PVT1: variants seen among roughly 807,000 people sequenced by gnomAD.
PVT1 encodes CXCR4/PVT1 fusion.
At chr8:127,945,700 C>A (rs923223568) in intron 3 of PVT1, among the ~76,000 whole-genome samples, 9 of 152,158 alleles carry the variant, frequency 5.9e-5, no homozygotes, top group African/African-American at 2.2e-4. Flanking sequence ...CAGTTTTGGA[C>A]CTCCCACTGA....
chr8:128,021,382 C>T (rs181102471), intron 4 of PVT1, among the ~76,000 whole-genome samples: 2,537 of 150,102 alleles, frequency 0.017, 70 homozygotes, highest in African/African-American at 0.058. Flanking sequence ...CAAGCTCCGC[C>T]TCCTGGGTTC....
At chr8:128,074,731 G>C (rs749120892) in intron 5 of PVT1, among the ~76,000 whole-genome samples, 10 of 152,104 alleles carry the variant, frequency 6.6e-5, no homozygotes, top group Non-Finnish European at 1.5e-4. Flanking sequence ...ATTATATAGC[G>C]GTTGCTACAA....
At chr8:127,814,997 T>C (rs1476947391) in intron 2 of PVT1, among the ~76,000 whole-genome samples, 3 of 152,158 alleles carry the variant, frequency 2.0e-5, no homozygotes, top group Admixed American at 6.6e-5. Flanking sequence ...GACAGAATCT[T>C]GTTCTGTTGC....
At chr8:127,911,110 C>A (rs1347638286) in intron 3 of PVT1, among the ~76,000 whole-genome samples, 1 of 152,110 alleles carries the variant, frequency 6.6e-6, no homozygotes, top group African/African-American at 2.4e-5. Context: ...TAGACTTCCA[C>A]CTCCTCTTCC....
At chr8:127,909,406 G>A (rs969585234) in intron 3 of PVT1, among the ~76,000 whole-genome samples, 2 of 152,130 alleles carry the variant, frequency 1.3e-5, no homozygotes, top group African/African-American at 2.4e-5. Context: ...AGAGGGCCTG[G>A]GTCTGAATCA....
chr8:127,804,873 T>G (rs1310678342), intron 2 of PVT1, among the ~76,000 whole-genome samples: 1 of 151,328 alleles, frequency 6.6e-6, no homozygotes, highest in Non-Finnish European at 1.5e-5. Context: ...ATTTTTTTCT[T>G]AGTTGCTATT....
chr8:127,888,732 C>A (rs762783095), intron 2 of PVT1, among the ~76,000 whole-genome samples: 2 of 152,142 alleles, frequency 1.3e-5, no homozygotes, highest in African/African-American at 4.8e-5. Context: ...TATGAAGCAG[C>A]CTTTAGAAGC....
chr8:127,921,001 T>A (rs534764132), intron 3 of PVT1, among the ~76,000 whole-genome samples: 1 of 152,360 alleles, frequency 6.6e-6, no homozygotes, highest in African/African-American at 2.4e-5. Flanking sequence ...GCAACTATAA[T>A]AAAATATTTA....
chr8:127,971,015 C>T (rs990517060), intron 3 of PVT1, among the ~76,000 whole-genome samples: 1 of 152,194 alleles, frequency 6.6e-6, no homozygotes, highest in Non-Finnish European at 1.5e-5. Context: ...ATCAGTGCTG[C>T]TTAGGTACCA....
chr8:127,951,516 G>T (rs1289349605), intron 3 of PVT1, among the ~76,000 whole-genome samples: 1 of 152,142 alleles, frequency 6.6e-6, no homozygotes, highest in African/African-American at 2.4e-5. Flanking sequence ...ATCACAGAAA[G>T]GTCTTGAGAT....
rs538256583 is a variant in PVT1, at chr8:127,923,457, G to A, written n.782+32459G>A. On this transcript the variant is annotated intron_variant and non_coding_transcript_variant, in intron 3 of 10. Coordinates refer to ENST00000651587, the Ensembl canonical transcript of PVT1. ...GTGTGGGACATGCTCAGAGGAGGAC[G>A]AGGAGGATGATTTGGGGGAGGCCTC... Among the ~76,000 whole-genome samples, 23 of 152,314 alleles carry A rather than the reference G, an allele frequency of 1.5e-4. No homozygotes were observed. In the East Asian group the frequency reaches 1.5e-3, roughly 10 times the overall value.
At chr8:127,910,025 G>A (rs1190906001) in intron 3 of PVT1, among the ~76,000 whole-genome samples, 1 of 152,264 alleles carries the variant, frequency 6.6e-6, no homozygotes, top group African/African-American at 2.4e-5. Flanking sequence ...ATGGGGCAGA[G>A]GCTGGGTGTG....
At chr8:127,803,558 A>T (rs529885226) in intron 2 of PVT1, 1 of 152,376 alleles carries the variant, frequency 6.6e-6, no homozygotes, top group East Asian at 1.9e-4. Context: ...TTAAGGAGGA[A>T]GGTACTTGAC....
In PVT1 at chr8:127,967,059, C is replaced by T. The variant is rs376488201; in HGVS notation, n.783-22103C>T. 7.2e-5 allele frequency among the ~76,000 whole-genome samples: 11 copies of T among 152,168 alleles called. 1 individual carries two copies. The highest frequency in any genetic ancestry group is 2.2e-4 in the African/African-American group (9 of 41,498). On this transcript the variant is annotated intron_variant and non_coding_transcript_variant, in intron 3 of 10. Coordinates refer to ENST00000651587, the Ensembl canonical transcript of PVT1. ...ATGCTAGCCCTGGAAGACTTTAATT[C>T]GAGGGTGGCACACCTGACAACGCCT...
At chr8:127,974,094 C>G (rs1038032512) in intron 3 of PVT1, among the ~76,000 whole-genome samples, 25 of 152,146 alleles carry the variant, frequency 1.6e-4, no homozygotes, top group African/African-American at 5.8e-4. Context: ...TTGGGTTTTT[C>G]TGTTCCTCTT....
At chr8:127,872,821 T>C (rs1815367234) in intron 2 of PVT1, among the ~76,000 whole-genome samples, 2 of 152,206 alleles carry the variant, frequency 1.3e-5, no homozygotes, top group African/African-American at 4.8e-5. Flanking sequence ...CAGCAGACTT[T>C]TGATGAAATT....
intron 3 of PVT1, among the ~76,000 whole-genome samples, chr8:127,903,471 G>T (rs1181840038): frequency 2.0e-5 from 3 of 152,238 alleles, no homozygotes; most frequent in East Asian, 3.9e-4. Context: ...TTTTGTTGCA[G>T]TTGTTTTTGA....
At chr8:128,098,901 G>A (rs779425679) in intron 6 of PVT1, among the ~76,000 whole-genome samples, 1 of 152,180 alleles carries the variant, frequency 6.6e-6, no homozygotes, top group Non-Finnish European at 1.5e-5. Context: ...AGTGAGTCCT[G>A]CACTGAATTT....
intron 4 of PVT1, among the ~76,000 whole-genome samples, chr8:128,016,986 G>A (rs1243028474): frequency 6.6e-6 from 1 of 152,100 alleles, no homozygotes; most frequent in Non-Finnish European, 1.5e-5. Context: ...AGGAGTTCAA[G>A]GCAAAACTGG....
Sources: allele counts gnomAD v4.1 joint callset (sites outside exome capture counted in the v4.1 genomes callset), GRCh38; gene constraint gnomAD v4.1.1; transcripts MANE v1.5; gene names NCBI Gene and HGNC (gene_info 2026-07-23, HGNC 2026-07-21).